PDZD2: variants seen among roughly 807,000 people sequenced by gnomAD.
PDZD2 encodes PDZ domain-containing protein 2.
Under a neutral mutation model 220.7 loss-of-function variants are expected in PDZD2, and 90 were observed. The observed-to-expected ratio is 0.41, with a 90% CI of 0.34 to 0.49. The LOEUF (loss-of-function observed/expected upper bound fraction) is 0.49, where lower values mean the gene tolerates loss of function less well. PDZD2 is among the 20% of genes least tolerant of loss of function. PDZD2 has a pLI of 0.28. For synonymous variants in PDZD2, 1,375 were observed against 1,450.5 expected (o/e 0.95, Z 1.18); for missense variants, 3,174 against 3,608.5 (o/e 0.88, Z 3.08).
chr5:31,725,830 C>A, intron 1 of PDZD2: 1 of 833,030 alleles, frequency 1.2e-6, no homozygotes. Flanking sequence ...GTTTGAATCT[C>A]TCATTGCCGG....
Position 31,936,496 on chromosome 5 carries a change from C to T in PDZD2, c.477-46659C>T, listed in dbSNP as rs1745737959. 1.6e-5 allele frequency: 4 copies of T among 252,602 alleles called. No individual in the cohort carries two copies. The Admixed American group carries it at 2.6e-4, about 16-fold the overall frequency. 15.6% of individuals were successfully genotyped at this position (252,602 alleles called of 1,614,324 possible). On this transcript the variant is annotated intron_variant, in intron 2 of 24. Transcript: ENST00000438447. ...GACTCAGCTTGAATTGTGCTGATAT[C>T]TGCCCAAGCAAGAGTTCTCTCAGTT...
intron 5 of PDZD2, among the ~76,000 whole-genome samples, chr5:32,009,659 A>G (rs1753126671): frequency 6.6e-6 from 1 of 151,784 alleles, no homozygotes; most frequent in Non-Finnish European, 1.5e-5. Flanking sequence ...TTGAGCCCAG[A>G]GGTTTGAGGT....
intron 1 of PDZD2, among the ~76,000 whole-genome samples, chr5:31,691,213 GGTGA>G (rs1747105581): frequency 6.6e-6 from 1 of 152,006 alleles, no homozygotes; most frequent in Admixed American, 6.5e-5. Context: ...AGACCTTCGC[GGTGA>G]GTGTTACAGC....
intron 1 of PDZD2, among the ~76,000 whole-genome samples, chr5:31,720,327 A>T (rs1748713595): frequency 6.6e-6 from 1 of 152,248 alleles, no homozygotes; most frequent in Non-Finnish European, 1.5e-5. Context: ...CAAAAAGCAT[A>T]GCAGGTATCC....
chr5:31,760,302 G>T (rs1290343746), intron 1 of PDZD2, among the ~76,000 whole-genome samples: 1 of 152,182 alleles, frequency 6.6e-6, no homozygotes. Context: ...ATAGTTTCTG[G>T]CATGAAATAA....
At chr5:32,093,359 C>A (rs1743354103) in intron 21 of PDZD2, among the ~76,000 whole-genome samples, 1 of 152,122 alleles carries the variant, frequency 6.6e-6, no homozygotes, top group South Asian at 2.1e-4. Context: ...CTCGGAAATA[C>A]CTCTCGCCAC....
At chr5:31,702,490 A>C (rs573248477) in intron 1 of PDZD2, among the ~76,000 whole-genome samples, 1 of 152,268 alleles carries the variant, frequency 6.6e-6, no homozygotes, top group South Asian at 2.1e-4. Flanking sequence ...ACGATGATGG[A>C]TCTAAGGGCA....
chr5:31,645,821 C>T (rs907083751), intron 1 of PDZD2, among the ~76,000 whole-genome samples: 28 of 152,046 alleles, frequency 1.8e-4, no homozygotes, highest in African/African-American at 4.8e-4. Context: ...AGCAGGGGCA[C>T]GCTTTGTGCT....
intron 22 of PDZD2, among the ~76,000 whole-genome samples, chr5:32,097,949 C>G (rs1311500978): frequency 6.6e-6 from 1 of 152,198 alleles, no homozygotes; most frequent in Non-Finnish European, 1.5e-5. Flanking sequence ...AAGTGTCTAC[C>G]TTAGAAAGTT....
In PDZD2 at chr5:31,675,552, G is replaced by C. The variant is rs535101055; in HGVS notation, c.-361+36115G>C. Among the ~76,000 whole-genome samples, 17 of 152,292 alleles carry C rather than the reference G, an allele frequency of 1.1e-4. No homozygotes were observed. The South Asian group carries it at 1.7e-3, about 15-fold the overall frequency. ...GCACTTTGCATGGAATAGAAAAAAT[G>C]CTCCAAGAAAGAAACAAGCCAGAAA... is the stretch of plus-strand genomic sequence containing the variant. On this transcript the variant is annotated intron_variant, in intron 1 of 24. Coordinates refer to ENST00000438447, the MANE Select transcript of PDZD2 (RefSeq NM_178140.4).
chr5:31,689,353 A>ATATATATATATATATATATATATTT, intron 1 of PDZD2, among the ~76,000 whole-genome samples: 1 of 35,122 alleles, frequency 2.8e-5, no homozygotes, highest in African/African-American at 2.1e-4. Flanking sequence ...ATATATATAT[A>ATATATATATATATATATATATATTT]TTTTTTTTTT....
At chr5:31,925,512 G>A (rs1744673381) in intron 2 of PDZD2, among the ~76,000 whole-genome samples, 1 of 152,076 alleles carries the variant, frequency 6.6e-6, no homozygotes, top group Non-Finnish European at 1.5e-5. Context: ...AAGAATCCTA[G>A]AAGAAAACCT....
chr5:32,077,133 A>G (rs1156802687), intron 18 of PDZD2, among the ~76,000 whole-genome samples: 1 of 152,228 alleles, frequency 6.6e-6, no homozygotes, highest in Non-Finnish European at 1.5e-5. Flanking sequence ...TCTCTATGCA[A>G]TATAATAACA....
chr5:31,732,723 CTTTTTA>C (rs914888762), intron 1 of PDZD2, among the ~76,000 whole-genome samples: 3 of 152,102 alleles, frequency 2.0e-5, no homozygotes, highest in African/African-American at 4.8e-5. Context: ...TCAGGAGCAG[CTTTTTA>C]TTTTTATTTT....
chr5:32,085,898 G>C (rs943003955), intron 19 of PDZD2, among the ~76,000 whole-genome samples: 1 of 150,406 alleles, frequency 6.6e-6, no homozygotes, highest in African/African-American at 2.5e-5. Flanking sequence ...TTGGAATTTT[G>C]GTAGGAATTG....
chr5:32,073,456 C>A lies in PDZD2; in HGVS notation c.2726-376C>A, dbSNP rs374914023. On this transcript the variant is annotated intron_variant, in intron 17 of 24. Coordinates refer to ENST00000438447, the MANE Select transcript of PDZD2 (RefSeq NM_178140.4). The stretch of plus-strand genomic sequence containing the variant: ...CAGGTGTGTGGGACATGTCATCAGT[C>A]CCCAGGCATCCTTCTATGGAGGAAT... Among the ~76,000 whole-genome samples the A allele has an allele frequency of 3.9e-5, 6 of 152,248 alleles. No individual in the cohort carries two copies. The East Asian group carries it at 7.7e-4, about 20-fold the overall frequency.
chr5:31,995,884 G>A (rs778827390), intron 4 of PDZD2, among the ~76,000 whole-genome samples, 166 bp downstream of exon 4: 5 of 152,108 alleles, frequency 3.3e-5, no homozygotes, highest in Non-Finnish European at 7.3e-5. Context: ...GGTTCGAATT[G>A]AACACACCTC....
rs115919149 is a variant in PDZD2 at position 32,095,481 on chromosome 5, C to T, written c.7846-1798C>T. 2.0e-3 allele frequency among the ~76,000 whole-genome samples: 299 copies of T among 152,180 alleles called. 1 individual carries two copies. The highest frequency in any genetic ancestry group is 6.9e-3 in the African/African-American group (285 of 41,518). On this transcript the variant is annotated intron_variant, in intron 21 of 24. Coordinates refer to ENST00000438447, the MANE Select transcript of PDZD2 (RefSeq NM_178140.4). Reference sequence around the variant, plus strand: ...GTCCTTGGCAGTGCTGTGAGAGATTCGAGGCTTCGAGGCTGAAAACAAACC... The same window carrying T: ...GTCCTTGGCAGTGCTGTGAGAGATTTGAGGCTTCGAGGCTGAAAACAAACC...
At chr5:32,026,678 G>C (rs1754691139) in intron 6 of PDZD2, among the ~76,000 whole-genome samples, 2 of 152,136 alleles carry the variant, frequency 1.3e-5, no homozygotes. Flanking sequence ...AATGACCCAA[G>C]GGTCTACCTT....
Sources: gnomAD v4.1 joint callset for allele counts (sites outside exome capture counted in the v4.1 genomes callset) on GRCh38, gnomAD v4.1.1 for gene constraint, MANE v1.5 for transcripts, NCBI Gene and HGNC (gene_info 2026-07-23, HGNC 2026-07-21) for gene names.